Variants in PCSK2 observed in about 807,000 individuals in gnomAD.
PCSK2 encodes the protein proprotein convertase subtilisin/kexin type 2, also known as neuroendocrine convertase 2.
In PCSK2, 14 loss-of-function variants were observed where a neutral mutation model predicts 69.7. That is an observed-to-expected ratio of 0.20 (90% CI 0.13 to 0.31). PCSK2 has a LOEUF of 0.31. Ranked by LOEUF, PCSK2 falls within the 10% of genes least tolerant of loss-of-function variation. The probability of loss-of-function intolerance (pLI) is 1.00; values close to 1 mark genes in which losing one functional copy is unlikely to be tolerated. For synonymous variants in PCSK2, 307 were observed against 320.7 expected, an observed-to-expected ratio of 0.96 and a Z score of 0.46; for missense variants, 544 against 842.5, an observed-to-expected ratio of 0.65 and a Z score of 4.39.
chr20:17,335,034 T>A (rs1271534542), intron 2 of PCSK2, among the ~76,000 whole-genome samples: 1 of 152,202 alleles, frequency 6.6e-6, no homozygotes, highest in African/African-American at 2.4e-5. Flanking sequence ...GGTGGACAAT[T>A]ATTCAGTTAC....
At chr20:17,479,428 C>A in intron 11 of PCSK2, 2 of 603,794 alleles carry the variant, frequency 3.3e-6, no homozygotes, top group Non-Finnish European at 6.2e-6. Flanking sequence ...TGGTACTCCT[C>A]CATGGTAGCG....
At position 17,253,196 on chromosome 20, in the gene PCSK2, C is replaced by A. The variant is rs144215112; in HGVS notation, c.178-7044C>A. Among the ~76,000 whole-genome samples the A allele has an allele frequency of 9.1e-3, 1,379 of 152,214 alleles. 13 individuals are homozygous for A. The highest frequency in any genetic ancestry group is 0.024 in the East Asian group (126 of 5,188). On this transcript the variant is annotated intron_variant, in intron 1 of 11. Coordinates refer to ENST00000262545, the MANE Select transcript of PCSK2 (RefSeq NM_002594.5). ...CTGTTCATCATAGCATTTTTAATAGCAAATTGATTAAGATATAGTTCACAT... is the reference window on the plus strand; with the variant it reads ...CTGTTCATCATAGCATTTTTAATAGAAAATTGATTAAGATATAGTTCACAT...
At chr20:17,316,418 A>G (rs904541511) in intron 2 of PCSK2, among the ~76,000 whole-genome samples, 1 of 152,226 alleles carries the variant, frequency 6.6e-6, no homozygotes, top group Non-Finnish European at 1.5e-5. Flanking sequence ...CATGTAAGCA[A>G]GCACTTGTAT....
chr20:17,277,262 T>G (rs1339816244), intron 2 of PCSK2, among the ~76,000 whole-genome samples: 1 of 152,144 alleles, frequency 6.6e-6, no homozygotes, highest in African/African-American at 2.4e-5. Context: ...CATTGCCAAG[T>G]CAATCCTAAG....
chr20:17,400,402 A>C (rs2031607516), intron 5 of PCSK2, among the ~76,000 whole-genome samples: 1 of 152,136 alleles, frequency 6.6e-6, no homozygotes, highest in African/African-American at 2.4e-5. Context: ...CCTTGGGCAA[A>C]GTATTCAACC....
intron 5 of PCSK2, among the ~76,000 whole-genome samples, chr20:17,379,123 A>G (rs762271690): frequency 2.1e-4 from 32 of 152,126 alleles, no homozygotes; most frequent in Non-Finnish European, 3.1e-4. Context: ...CTGTTTCCCA[A>G]TCATACTGTC....
At chr20:17,394,382 G>A (rs1434823133) in intron 5 of PCSK2, among the ~76,000 whole-genome samples, 1 of 152,188 alleles carries the variant, frequency 6.6e-6, no homozygotes, top group Non-Finnish European at 1.5e-5. Flanking sequence ...GAGAACTGGA[G>A]GGGATGGAAA....
chr20:17,433,785 T>TTCTCTCTCTCTCTCTCTCTCTC (rs369676259), intron 7 of PCSK2, among the ~76,000 whole-genome samples: 1 of 40,808 alleles, frequency 2.5e-5, no homozygotes, highest in African/African-American at 8.5e-5. Context: ...CTCCTTTGAT[T>TTCTCTCTCTCTCTCTCTCTCTC]TCTCTCTCTC....
At chr20:17,306,171 T>C (rs918736553) in intron 2 of PCSK2, among the ~76,000 whole-genome samples, 3 of 152,192 alleles carry the variant, frequency 2.0e-5, no homozygotes, top group African/African-American at 7.2e-5. Context: ...CAATGCAATT[T>C]GTGCAAAGTT....
chr20:17,337,687 G>C (rs1425124649), intron 2 of PCSK2, among the ~76,000 whole-genome samples: 1 of 152,070 alleles, frequency 6.6e-6, no homozygotes, highest in South Asian at 2.1e-4. Flanking sequence ...CATTTTGGGA[G>C]TCCGATGCAG....
At chr20:17,399,688 G>A (rs960316654) in intron 5 of PCSK2, among the ~76,000 whole-genome samples, 1 of 152,156 alleles carries the variant, frequency 6.6e-6, no homozygotes, top group Non-Finnish European at 1.5e-5. Context: ...GCGATGCCAT[G>A]TTATTTAACA....
chr20:17,462,747 C>T (rs1027078346), intron 10 of PCSK2, among the ~76,000 whole-genome samples: 1 of 152,182 alleles, frequency 6.6e-6, no homozygotes, highest in African/African-American at 2.4e-5. Context: ...TCTTATTTTC[C>T]CGACTCATAT....
At chr20:17,289,815 G>A (rs1328656455) in intron 2 of PCSK2, among the ~76,000 whole-genome samples, 19 of 152,062 alleles carry the variant, frequency 1.2e-4, no homozygotes, top group Non-Finnish European at 2.4e-4. Flanking sequence ...TATGGTTATA[G>A]CATCATTTAT....
At chr20:17,255,255 C>G (rs139308446) in intron 1 of PCSK2, among the ~76,000 whole-genome samples, 57 of 152,254 alleles carry the variant, frequency 3.7e-4, no homozygotes, top group African/African-American at 1.2e-3. Flanking sequence ...TTAAGAAAAT[C>G]ATTCAGCCTT....
intron 2 of PCSK2, among the ~76,000 whole-genome samples, chr20:17,331,649 ATC>A (rs1713821965): frequency 6.6e-6 from 1 of 152,160 alleles, no homozygotes; most frequent in African/African-American, 2.4e-5. Flanking sequence ...CACTTAAATG[ATC>A]TCTCTACTGT....
rs779006402 is a variant in PCSK2 at position 17,227,342 on chromosome 20, G to T, written c.37G>T (p.Ala13Ser). ...GGCVSQWKAA[A>S]GFLFCVMVFA... ...TTGTGTCTCCCAGTGGAAGGCGGCC[G>T]CCGGGTTCCTCTTCTGTGTCATGGT... The change falls in exon 1 of 12, where the codon GCC becomes TCC. Residue 13 changes from alanine (A) to serine (S), a missense_variant. By Grantham distance (99) the Ala-to-Ser change is moderately conservative (BLOSUM62 1). Coordinates refer to ENST00000262545, the MANE Select transcript of PCSK2 (RefSeq NM_002594.5). The T allele has an allele frequency of 7.4e-6, 12 of 1,613,956 alleles. No homozygotes were observed. The South Asian group carries it at 7.7e-5, about 10-fold the overall frequency.
chr20:17,437,729 C>T (rs1049448014), intron 8 of PCSK2, among the ~76,000 whole-genome samples: 2 of 152,254 alleles, frequency 1.3e-5, no homozygotes, highest in Admixed American at 6.5e-5. Context: ...CTTCATAGCA[C>T]AGAACACAAC....
At chr20:17,361,768 A>T (rs1463636394) in intron 4 of PCSK2, among the ~76,000 whole-genome samples, 1 of 152,200 alleles carries the variant, frequency 6.6e-6, no homozygotes, top group Non-Finnish European at 1.5e-5. Context: ...AGACATTTTT[A>T]AGTGGATGTA....
At chr20:17,413,945 C>T (rs1489499246) in intron 6 of PCSK2, among the ~76,000 whole-genome samples, 11 of 152,134 alleles carry the variant, frequency 7.2e-5, no homozygotes, top group Admixed American at 1.3e-4. Context: ...GGGTACATAA[C>T]GAAATGAAGG....
Sources: gnomAD v4.1 joint callset for allele counts (sites outside exome capture counted in the v4.1 genomes callset) on GRCh38, gnomAD v4.1.1 for gene constraint, MANE v1.5 for transcripts, NCBI Gene and HGNC (gene_info 2026-07-23, HGNC 2026-07-21) for gene names.